Variants in UTRN observed in about 807,000 individuals in gnomAD.
UTRN encodes utrophin, also known as dystrophin-related protein 1.
In UTRN, 283 loss-of-function variants were observed where a neutral mutation model predicts 463.9. That is an observed-to-expected ratio of 0.61 (90% confidence interval 0.55 to 0.67). The LOEUF (loss-of-function observed/expected upper bound fraction) is 0.67. UTRN is among the 30% of genes least tolerant of loss of function. The pLI, the probability that UTRN is intolerant of heterozygous loss-of-function variation, is 0.00. For synonymous variants in UTRN, 1,442 were observed against 1,431.5 expected, an observed-to-expected ratio of 1.01 and a Z score of -0.17; for missense variants, 3,922 against 4,084.3, an observed-to-expected ratio of 0.96 and a Z score of 1.08.
chr6:144,542,856 A>C lies in UTRN; in HGVS notation c.6581A>C (p.Gln2194Pro). The change falls in exon 46 of 75, where the codon CAG becomes CCG. Residue 2194 changes from glutamine (Q) to proline (P), a missense_variant. By Grantham distance (76) the Gln-to-Pro change is moderately conservative. This residue lies in a region of UTRN where 2,349 missense variants were observed against 2,303.8 expected (regional missense o/e 1.02). Transcript: ENST00000367545. ...ECIQEPSSVS[Q>P]TRIAAHPNVQ... Reference sequence around the variant, plus strand: ...ATCCAGGAGCCCAGTTCTGTTTCACAGACAAGGATTGCTGGTAAGATATGT... The same window carrying C: ...ATCCAGGAGCCCAGTTCTGTTTCACCGACAAGGATTGCTGGTAAGATATGT... 1.2e-6 allele frequency: 2 copies of C among 1,613,184 alleles called. No homozygotes were observed. Among genetic ancestry groups the C allele is most frequent in the South Asian group, 2.2e-5 (2 of 90,722 alleles).
intron 50 of UTRN, among the ~76,000 whole-genome samples, chr6:144,560,719 A>G (rs1380455262): frequency 2.0e-5 from 3 of 152,138 alleles, no homozygotes; most frequent in Non-Finnish European, 4.4e-5. Flanking sequence ...TACAATGCCA[A>G]AATCTAAAAA....
intron 32 of UTRN, 49 bp from the exon 33 acceptor site, chr6:144,493,252 A>C: frequency 6.3e-7 from 1 of 1,591,896 alleles, no homozygotes; most frequent in Non-Finnish European, 8.6e-7. Context: ...CCAGTTGGCA[A>C]GTTGTCACCA....
chr6:144,477,589 T>C (rs1327819933), intron 25 of UTRN, among the ~76,000 whole-genome samples: 1 of 151,942 alleles, frequency 6.6e-6, no homozygotes, highest in African/African-American at 2.4e-5. Flanking sequence ...TTGGTACTTT[T>C]GAACAGTAAG....
chr6:144,482,723 C>G lies in UTRN; in HGVS notation c.3687+335C>G, dbSNP rs538011958. ...AACAGATGATCTGTAGGGCCTATTC[C>G]AGTCCAAAAATTGCAGAGCACATTT... On this transcript the variant is annotated intron_variant, in intron 27 of 74. Transcript: ENST00000367545. Among the ~76,000 whole-genome samples the G allele has an allele frequency of 4.6e-5, 7 of 152,138 alleles. No individual in the cohort carries two copies. In the East Asian group the frequency reaches 1.4e-3, roughly 29 times the overall value.
At chr6:144,671,019 G>A (rs2128678377) in intron 51 of UTRN, among the ~76,000 whole-genome samples, 1 of 152,248 alleles carries the variant, frequency 6.6e-6, no homozygotes, top group South Asian at 2.1e-4. Flanking sequence ...CCAGTACCAT[G>A]CTCTTTTGGT....
At chr6:144,544,566 C>T (rs1428759256) in intron 46 of UTRN, among the ~76,000 whole-genome samples, 2 of 151,946 alleles carry the variant, frequency 1.3e-5, no homozygotes, top group East Asian at 1.9e-4. Flanking sequence ...AACACCTTGC[C>T]GACTGTACTC....
At chr6:144,290,752 CTTTTTTTTTTTTTTT>C (rs200477118) in intron 1 of UTRN, among the ~76,000 whole-genome samples, 33 of 99,158 alleles carry the variant, frequency 3.3e-4, no homozygotes, top group Admixed American at 4.6e-4. Flanking sequence ...CCACAATCGT[CTTTTTTTTTTTTTTT>C]TTTTTTTTTT....
At chr6:144,584,595 G>A (rs182328589) in intron 51 of UTRN, among the ~76,000 whole-genome samples, 6 of 152,180 alleles carry the variant, frequency 3.9e-5, no homozygotes, top group African/African-American at 1.4e-4. Flanking sequence ...ATTGAGGTGG[G>A]AAGCAGTATT....
chr6:144,286,882 C>G lies in UTRN; in HGVS notation c.-93+1061C>G, dbSNP rs1013637177. ...TGTTCAGGACAGGGCCTCCTCTTTC[C>G]CAGCCTTCAGGTCAGCCGGATCACC... On this transcript the variant is annotated intron_variant, in intron 1 of 74. Transcript: ENST00000367545. This position sits in a 1 kb window ranked among gnomAD's most constrained non-coding sequence, Gnocchi z 4.4. 6.6e-6 allele frequency among the ~76,000 whole-genome samples: 1 copy of G among 152,174 alleles called. No homozygotes were observed. The highest frequency in any genetic ancestry group is 1.5e-5 in the Non-Finnish European group (1 of 68,028).
intron 66 of UTRN, among the ~76,000 whole-genome samples, chr6:144,822,938 G>A (rs1280065804): frequency 2.0e-5 from 3 of 151,928 alleles, no homozygotes; most frequent in Non-Finnish European, 4.4e-5. Flanking sequence ...ATATCTACAC[G>A]CTTTACAGGA....
At chr6:144,828,953 C>T in intron 69 of UTRN, 98 bp downstream of exon 69, 1 of 1,383,534 alleles carries the variant, frequency 7.2e-7, no homozygotes, top group South Asian at 1.2e-5. Context: ...AATCTTGATC[C>T]CAATCAAAAT....
intron 25 of UTRN, among the ~76,000 whole-genome samples, chr6:144,476,423 A>AT (rs1482913080): frequency 3.3e-5 from 5 of 152,088 alleles, no homozygotes; most frequent in African/African-American, 1.2e-4. Flanking sequence ...GAAAATAAAG[A>AT]AGAGACCTAA....
chr6:144,746,064 A>G (rs184428058), intron 54 of UTRN, among the ~76,000 whole-genome samples: 8 of 151,808 alleles, frequency 5.3e-5, no homozygotes, highest in Admixed American at 1.3e-4. Context: ...ACAGTGGCAC[A>G]TTATCGGCTC....
intron 51 of UTRN, among the ~76,000 whole-genome samples, chr6:144,674,290 A>G (rs1296333606): frequency 6.7e-6 from 1 of 150,178 alleles, no homozygotes; most frequent in Admixed American, 6.6e-5. Context: ...AATTATTCTT[A>G]GATTTGGTTG....
chr6:144,458,846 G>T lies in UTRN; in HGVS notation c.2361G>T (p.Leu787Phe). ...SSEWKNVSQH[L>F]EDLERKIQLQ... ...AATGGAAGAATGTATCTCAACATTT[G>T]GAAGATCTAGAAAGAAAGATTCAGC... Residue 787 changes from leucine (L) to phenylalanine (F), a missense_variant, in exon 20 of 75, where the codon TTG (leucine) becomes TTT (phenylalanine). Transcript: ENST00000367545. The T allele has an allele frequency of 6.2e-7, 1 of 1,613,374 alleles. No individual in the cohort carries two copies. Among genetic ancestry groups the T allele is most frequent in the Non-Finnish European group, 8.5e-7 (1 of 1,179,870 alleles).
At position 144,846,704 on chromosome 6, in the gene UTRN, C is replaced by T. The variant is rs533716248; in HGVS notation, c.10271-101C>T. 3.4e-5 allele frequency: 51 copies of T among 1,504,388 alleles called. No homozygotes were observed. The African/African-American group carries it at 6.5e-4, about 19-fold the overall frequency. 93.2% of individuals were successfully genotyped at this position (1,504,388 alleles called of 1,614,324 possible). ...ATTTAACAACTGGGCTATTATTACCCTATGTAGAGTGATACTTTCCACGCA... is the reference window on the plus strand; with the variant it reads ...ATTTAACAACTGGGCTATTATTACCTTATGTAGAGTGATACTTTCCACGCA... On this transcript the variant is annotated intron_variant, in intron 73 of 74. Transcript: ENST00000367545.
At chr6:144,824,628 TTTTTTTTTTGAGAC>T (rs1779993673) in intron 66 of UTRN, among the ~76,000 whole-genome samples, 1 of 106,816 alleles carries the variant, frequency 9.4e-6, no homozygotes, top group Non-Finnish European at 1.9e-5. Flanking sequence ...TTTTTTTTTT[TTTTTTTTTTGAGAC>T]GGGGTCCAGT....
Position 144,617,808 on chromosome 6 carries a change from G to A in UTRN, c.7479+40520G>A, listed in dbSNP as rs142944456. Among the ~76,000 whole-genome samples, 9 of 152,222 alleles carry A rather than the reference G, an allele frequency of 5.9e-5. No homozygotes were observed. The East Asian group carries it at 1.5e-3, about 26-fold the overall frequency. ...ATTGAATAAGCTGCACAGAGCTACT[G>A]TTCTACCGGGGAGTATGCTTGCAGG... On this transcript the variant is annotated intron_variant, in intron 51 of 74. Coordinates refer to ENST00000367545, the MANE Select transcript of UTRN (RefSeq NM_007124.3).
chr6:144,764,290 C>T (rs187370354), intron 58 of UTRN, among the ~76,000 whole-genome samples: 247 of 152,234 alleles, frequency 1.6e-3, no homozygotes, highest in African/African-American at 5.4e-3. Flanking sequence ...GCCAGCAAAC[C>T]GTCACTGGGA....
Sources: gnomAD v4.1 joint callset for allele counts (sites outside exome capture counted in the v4.1 genomes callset) on GRCh38, gnomAD v4.1.1 for gene constraint, gnomAD v4.1.1 regional missense constraint, Gnocchi (gnomAD v3.1) non-coding constraint, MANE v1.5 for transcripts, NCBI Gene and HGNC (gene_info 2026-07-23, HGNC 2026-07-21) for gene names.